The following MAP2K4 variants were observed in gnomAD, a reference collection of about 807,000 sequenced individuals.
MAP2K4 encodes mitogen-activated protein kinase kinase 4.
In MAP2K4, 4 loss-of-function variants were observed where a neutral mutation model predicts 48.5. That is an observed-to-expected ratio of 0.08 (90% CI 0.04 to 0.19). The LOEUF is 0.19. Ranked by LOEUF, MAP2K4 falls within the 10% of genes least tolerant of loss-of-function variation. MAP2K4 has a pLI of 1.00. For synonymous variants in MAP2K4, 166 were observed against 173.1 expected (o/e 0.96, Z 0.32); for missense variants, 258 against 493.3 (o/e 0.52, Z 4.52).
intron 10 of MAP2K4, among the ~76,000 whole-genome samples, chr17:12,140,548 G>C (rs554866456): frequency 6.6e-6 from 1 of 152,208 alleles, no homozygotes; most frequent in South Asian, 2.1e-4. Flanking sequence ...TTAAAAGGTG[G>C]GTTAGTGAAG....
chr17:12,111,694 C>G (rs899705238), intron 6 of MAP2K4, among the ~76,000 whole-genome samples: 2 of 152,114 alleles, frequency 1.3e-5, no homozygotes, highest in Non-Finnish European at 2.9e-5. Context: ...CATCTTTTAT[C>G]AGTTAGGATC....
chr17:12,040,540 G>A (rs1026084290), intron 1 of MAP2K4, among the ~76,000 whole-genome samples: 4 of 152,148 alleles, frequency 2.6e-5, no homozygotes, highest in South Asian at 2.1e-4. Context: ...GTAATAAGAC[G>A]TTCTCTGGTG....
chr17:12,134,958 A>T (rs1273758419), intron 9 of MAP2K4, among the ~76,000 whole-genome samples: 1 of 152,220 alleles, frequency 6.6e-6, no homozygotes, highest in African/African-American at 2.4e-5. Context: ...ACTGGAGTGC[A>T]GTGGCATGAT....
At chr17:12,108,229 A>C (rs1972188629) in intron 5 of MAP2K4, among the ~76,000 whole-genome samples, 1 of 152,154 alleles carries the variant, frequency 6.6e-6, no homozygotes, top group South Asian at 2.1e-4. Flanking sequence ...ATATTACCAC[A>C]GTTATCCTGA....
chr17:12,054,199 A>G (rs1159401540), intron 1 of MAP2K4, among the ~76,000 whole-genome samples: 1 of 152,170 alleles, frequency 6.6e-6, no homozygotes, highest in Non-Finnish European at 1.5e-5. Context: ...TTATTTTGAG[A>G]TACTTGGATT....
chr17:12,141,892 C>T lies in MAP2K4; in HGVS notation c.*632C>T, dbSNP rs537272159. 1 of 233,524 alleles carries T rather than the reference C, an allele frequency of 4.3e-6. No homozygotes were observed. The highest frequency in any genetic ancestry group is 6.0e-5 in the East Asian group (1 of 16,570). 14.5% of individuals were successfully genotyped at this position (233,524 alleles called of 1,614,324 possible). A position where few individuals can be genotyped will look rare whatever the true frequency, so the allele number is the denominator to read the frequency against. ...TTAAATTAGAATGAATTTATCTTTA[C>T]CAAAAACCATGTTGCGTTCAAAGAG... On this transcript the variant is annotated 3_prime_UTR_variant, in exon 11 of 11. Transcript: ENST00000353533.
intron 7 of MAP2K4, among the ~76,000 whole-genome samples, chr17:12,116,518 A>G (rs887618624): frequency 1.3e-5 from 2 of 152,100 alleles, no homozygotes; most frequent in Non-Finnish European, 2.9e-5. Flanking sequence ...ACTTTTTTGT[A>G]TTAACACTTA....
chr17:12,141,586 C>A lies in MAP2K4; in HGVS notation c.*326C>A. 3.1e-6 allele frequency: 1 copy of A among 325,506 alleles called. No homozygotes were observed. The highest frequency in any genetic ancestry group is 5.7e-6 in the Non-Finnish European group (1 of 175,094). The allele number at this position is 325,506 out of a possible 1,614,324, so 20.2% of individuals were successfully genotyped here. A position where few individuals can be genotyped will look rare whatever the true frequency, so the allele number is the denominator to read the frequency against. ...TTAAATTCATTTCTAGACTCAAAAC[C>A]TGGAGATGCAGCTACTGGAATGGTG... On this transcript the variant is annotated 3_prime_UTR_variant, in exon 11 of 11. Transcript: ENST00000353533.
At chr17:12,068,433 G>A (rs1184050330) in intron 2 of MAP2K4, among the ~76,000 whole-genome samples, 4 of 152,148 alleles carry the variant, frequency 2.6e-5, no homozygotes, top group African/African-American at 4.8e-5. Flanking sequence ...TAGGTAAAGC[G>A]TAATAGTCAC....
At chr17:12,100,059 G>A (rs1231254380) in intron 4 of MAP2K4, among the ~76,000 whole-genome samples, 1 of 152,004 alleles carries the variant, frequency 6.6e-6, no homozygotes, top group East Asian at 1.9e-4. Context: ...TTTAAATGCA[G>A]CTTATGGAGG....
chr17:12,115,762 GA>G, intron 7 of MAP2K4: 1 of 759,498 alleles, frequency 1.3e-6, no homozygotes, highest in Non-Finnish European at 2.5e-6. Context: ...TTATGCAAAA[GA>G]ATGGAGCTGG....
chr17:12,062,107 T>A (rs2151531808), intron 2 of MAP2K4, among the ~76,000 whole-genome samples: 1 of 146,434 alleles, frequency 6.8e-6, no homozygotes, highest in East Asian at 2.2e-4. Flanking sequence ...TCCATACTCT[T>A]GCTTTAATCT....
intron 1 of MAP2K4, among the ~76,000 whole-genome samples, chr17:12,051,446 A>G (rs1470354257): frequency 6.6e-6 from 1 of 152,192 alleles, no homozygotes; most frequent in Non-Finnish European, 1.5e-5. Flanking sequence ...TCTCGCAGGA[A>G]ACCGCTTCTG....
intron 4 of MAP2K4, among the ~76,000 whole-genome samples, chr17:12,098,847 G>A (rs1171858484): frequency 6.6e-6 from 1 of 152,060 alleles, no homozygotes; most frequent in African/African-American, 2.4e-5. Context: ...CCATCAAGGA[G>A]CTTATGAGAT....
At chr17:12,114,672 G>T (rs28923228) in intron 7 of MAP2K4, among the ~76,000 whole-genome samples, 1 of 151,986 alleles carries the variant, frequency 6.6e-6, no homozygotes, top group Non-Finnish European at 1.5e-5. Context: ...GGCTTGTCTC[G>T]ATACTAACAG....
chr17:12,054,633 A>G (rs992908813), intron 1 of MAP2K4, among the ~76,000 whole-genome samples: 4 of 152,166 alleles, frequency 2.6e-5, no homozygotes, highest in African/African-American at 9.6e-5. Context: ...ACTTCCCTGA[A>G]TAATGGAAAC....
chr17:12,072,992 A>G lies in MAP2K4; in HGVS notation c.219-8364A>G, dbSNP rs116433826. ...TTAAGAACTAAATTTCTGACTTTGTAAAAGCAATCTGAGGTTTGTAGTACA... is the reference window on the plus strand; with the variant it reads ...TTAAGAACTAAATTTCTGACTTTGTGAAAGCAATCTGAGGTTTGTAGTACA... On this transcript the variant is annotated intron_variant, in intron 2 of 10. Transcript: ENST00000353533. Among the ~76,000 whole-genome samples the G allele has an allele frequency of 7.5e-3, 1,141 of 152,332 alleles. 12 individuals carry two copies. Among genetic ancestry groups the G allele is most frequent in the African/African-American group, 0.025 (1,022 of 41,576 alleles).
Position 12,141,295 on chromosome 17 carries a change from T to C in MAP2K4, c.*35T>C. On this transcript the variant is annotated 3_prime_UTR_variant, in exon 11 of 11. Coordinates refer to ENST00000353533, the MANE Select transcript of MAP2K4 (RefSeq NM_003010.4). ...TACATCAGACTCTAGAAAAAAGGGC[T>C]GAGAGGAAGCAAGACGTAAAGAATT... 1 of 1,431,970 alleles carries C rather than the reference T, an allele frequency of 7.0e-7. No individual in the cohort carries two copies. The highest frequency in any genetic ancestry group is 1.1e-5 in the South Asian group (1 of 87,146). The allele number at this position is 1,431,970 out of a possible 1,614,324, so 88.7% of individuals were successfully genotyped here.
chr17:12,055,040 G>A, intron 2 of MAP2K4, 49 bp downstream of exon 2: 1 of 1,192,796 alleles, frequency 8.4e-7, no homozygotes, highest in Non-Finnish European at 1.2e-6. Flanking sequence ...AGATTTTAAA[G>A]TTACTGTATT....
Sources: gnomAD v4.1 joint callset for allele counts (sites outside exome capture counted in the v4.1 genomes callset) on GRCh38, gnomAD v4.1.1 for gene constraint, MANE v1.5 for transcripts, NCBI Gene and HGNC (gene_info 2026-07-23, HGNC 2026-07-21) for gene names.